The following RBFOX3 variants were observed in gnomAD, a reference collection of about 807,000 sequenced individuals.
RBFOX3 encodes RNA binding protein fox-1 homolog 3.
A neutral mutation model predicts 48.7 loss-of-function variants in RBFOX3; 17 were observed. That is an observed-to-expected ratio of 0.35 (90% CI 0.24 to 0.52). RBFOX3 has a LOEUF of 0.52. RBFOX3 is among the 20% of genes least tolerant of loss of function. The pLI, the probability that RBFOX3 is intolerant of heterozygous loss-of-function variation, is 0.94. For synonymous variants in RBFOX3, 212 were observed against 209.5 expected (o/e 1.01, Z -0.10); for missense variants, 382 against 497.5 (o/e 0.77, Z 2.21).
At chr17:79,455,522 G>A (rs558918805) in intron 2 of RBFOX3, among the ~76,000 whole-genome samples, 3 of 152,218 alleles carry the variant, frequency 2.0e-5, no homozygotes, top group East Asian at 1.9e-4. Flanking sequence ...CACGGGGCCC[G>A]TGAAACCTTT....
chr17:79,173,107 G>A (rs551501500), intron 4 of RBFOX3, among the ~76,000 whole-genome samples: 1 of 152,134 alleles, frequency 6.6e-6, no homozygotes, highest in Non-Finnish European at 1.5e-5. Flanking sequence ...CTACTTGGGA[G>A]GCTGAGGCAC....
intron 1 of RBFOX3, among the ~76,000 whole-genome samples, chr17:79,591,465 C>T (rs1269332840): frequency 1.3e-5 from 2 of 152,170 alleles, no homozygotes; most frequent in Admixed American, 6.5e-5. Context: ...CTCCTTGGTA[C>T]ACATTTATTG....
chr17:79,262,141 G>C (rs1254967206), intron 3 of RBFOX3, among the ~76,000 whole-genome samples: 1 of 152,230 alleles, frequency 6.6e-6, no homozygotes, highest in Admixed American at 6.5e-5. Flanking sequence ...CACTGCTCTG[G>C]AAAAGCCTCT....
intron 4 of RBFOX3, among the ~76,000 whole-genome samples, chr17:79,147,477 G>A (rs750926536): frequency 2.3e-4 from 35 of 152,226 alleles, no homozygotes; most frequent in Non-Finnish European, 3.7e-4. Context: ...CATGCTGTGC[G>A]CCAGAAGAGG....
chr17:79,290,835 G>A (rs2073118063), intron 3 of RBFOX3, among the ~76,000 whole-genome samples: 1 of 152,148 alleles, frequency 6.6e-6, no homozygotes, highest in African/African-American at 2.4e-5. Context: ...ATTCTTCCAT[G>A]CCCTCAGCCC....
chr17:79,288,422 G>A (rs2072473617), intron 3 of RBFOX3, among the ~76,000 whole-genome samples: 1 of 152,138 alleles, frequency 6.6e-6, no homozygotes, highest in African/African-American at 2.4e-5. Flanking sequence ...TCTTCTGCAG[G>A]CTGGACTTCC....
intron 3 of RBFOX3, among the ~76,000 whole-genome samples, chr17:79,264,374 CTT>C (rs34109756): frequency 1.9e-4 from 28 of 147,374 alleles, no homozygotes; most frequent in South Asian, 6.5e-4. Context: ...CCAAGCCTGG[CTT>C]TTTTTTTTTT....
intron 3 of RBFOX3, among the ~76,000 whole-genome samples, chr17:79,275,094 C>A (rs1034281761): frequency 6.6e-6 from 1 of 150,906 alleles, no homozygotes; most frequent in African/African-American, 2.4e-5. Context: ...CCTCTACACC[C>A]CTTCTCTCTG....
At chr17:79,507,412 G>A (rs1181004540) in intron 1 of RBFOX3, among the ~76,000 whole-genome samples, 4 of 152,128 alleles carry the variant, frequency 2.6e-5, no homozygotes, top group Admixed American at 1.3e-4. Context: ...CCATGGGGGC[G>A]CCACAATGGG....
chr17:79,359,236 C>T (rs9894900), intron 2 of RBFOX3, among the ~76,000 whole-genome samples: 36,916 of 152,196 alleles, frequency 0.24, 4,649 homozygotes, highest in East Asian at 0.35. Context: ...GCCTACCCCG[C>T]CCCTCCCCAG....
intron 2 of RBFOX3, among the ~76,000 whole-genome samples, chr17:79,316,751 A>G (rs1422163476): frequency 6.6e-6 from 1 of 152,254 alleles, no homozygotes; most frequent in East Asian, 1.9e-4. Flanking sequence ...CAGTTAAATT[A>G]GAAATTTCAG....
chr17:79,641,337 T>C, the RBFOX3 span, among the ~76,000 whole-genome samples: 2 of 152,176 alleles, frequency 1.3e-5, no homozygotes, highest in African/African-American at 4.8e-5. Context: ...AGGGAAACCT[T>C]GTACATTGTT....
At chr17:79,093,536 T>G (rs1168562519) in intron 14 of RBFOX3, among the ~76,000 whole-genome samples, 1 of 131,882 alleles carries the variant, frequency 7.6e-6, no homozygotes, top group African/African-American at 3.1e-5. Context: ...TGTCTGAGGC[T>G]CGTTAAAAAT....
intron 4 of RBFOX3, among the ~76,000 whole-genome samples, chr17:79,127,892 G>A (rs1245738618): frequency 6.6e-6 from 1 of 152,222 alleles, no homozygotes; most frequent in Non-Finnish European, 1.5e-5. Context: ...AATGGGCACC[G>A]GAGAGGCTGA....
intron 1 of RBFOX3, among the ~76,000 whole-genome samples, chr17:79,523,496 C>T (rs1009809038): frequency 2.0e-5 from 3 of 152,132 alleles, no homozygotes; most frequent in African/African-American, 7.2e-5. Flanking sequence ...AGGAAGCTTC[C>T]GTGACTCTTC....
chr17:79,659,125 G>A, the RBFOX3 span, among the ~76,000 whole-genome samples: 1 of 152,100 alleles, frequency 6.6e-6, no homozygotes, highest in Admixed American at 6.5e-5. Context: ...ACAGGAACAG[G>A]GAGTGTGGAC....
intron 1 of RBFOX3, among the ~76,000 whole-genome samples, chr17:79,512,092 G>C (rs1283067945): frequency 7.9e-6 from 1 of 125,886 alleles, no homozygotes; most frequent in East Asian, 2.5e-4. Flanking sequence ...TTACCATCGA[G>C]TACAGCCCCA....
chr17:79,420,160 CACACACACACACACAA>C (rs1555721467), intron 2 of RBFOX3, among the ~76,000 whole-genome samples: 37 of 151,028 alleles, frequency 2.4e-4, no homozygotes, highest in African/African-American at 5.9e-4. Flanking sequence ...CACACACACA[CACACACACACACACAA>C]AAGATGGTTA....
rs796538721 is a variant in RBFOX3 at position 79,319,949 on chromosome 17, C to T, written c.-174-12125G>A. Among the ~76,000 whole-genome samples, 440 of 93,942 alleles carry T rather than the reference C, an allele frequency of 4.7e-3. 1 individual carries two copies. The highest frequency in any genetic ancestry group is 7.5e-3 in the East Asian group (21 of 2,782). 61.6% of individuals were successfully genotyped at this position (93,942 alleles called of 152,430 possible). ...CTATGTCTGGGCTGTTGGTCTTGTCCAGGCTGCTGGTCTTGTCCGGGCTGC... is the reference window on the plus strand; with the variant it reads ...CTATGTCTGGGCTGTTGGTCTTGTCTAGGCTGCTGGTCTTGTCCGGGCTGC... On this transcript the variant is annotated intron_variant, in intron 2 of 14. Coordinates refer to ENST00000693108, the MANE Select transcript of RBFOX3 (RefSeq NM_001350451.2).
Sources: allele counts gnomAD v4.1 joint callset (sites outside exome capture counted in the v4.1 genomes callset), GRCh38; gene constraint gnomAD v4.1.1; transcripts MANE v1.5; gene names NCBI Gene and HGNC (gene_info 2026-07-23, HGNC 2026-07-21).